Variants in NEBL observed in about 807,000 individuals in gnomAD.
The protein encoded by NEBL is nebulette.
In NEBL, 122 loss-of-function variants were observed where a neutral mutation model predicts 140.2. The observed-to-expected ratio is 0.87, with a 90% CI of 0.75 to 1.01. The LOEUF is 1.01. Ranked by LOEUF, NEBL falls within the 50% of genes least tolerant of loss-of-function variation. NEBL has a pLI of 0.00. For missense variants in NEBL, 1,365 were observed against 1,231.3 expected, an observed-to-expected ratio of 1.11 and a Z score of -1.62; for synonymous variants, 436 against 398.9, an observed-to-expected ratio of 1.09 and a Z score of -1.11.
At chr10:20,971,539 G>T (rs1243949723) in intron 3 of NEBL, among the ~76,000 whole-genome samples, 1 of 148,632 alleles carries the variant, frequency 6.7e-6, no homozygotes, top group Non-Finnish European at 1.5e-5. Context: ...CTGGTGCGCT[G>T]CACCCACTAA....
intron 1 of NEBL, among the ~76,000 whole-genome samples, chr10:21,286,563 T>C (rs561047995): frequency 1.3e-5 from 2 of 152,360 alleles, no homozygotes; most frequent in East Asian, 1.9e-4. Flanking sequence ...CAGGGCGCCA[T>C]GGCTCACGCC....
chr10:21,189,589 C>G (rs533270718), intron 3 of NEBL, among the ~76,000 whole-genome samples: 23 of 152,164 alleles, frequency 1.5e-4, no homozygotes, highest in African/African-American at 5.3e-4. Flanking sequence ...CTCAGCCTCC[C>G]GAGTAGCTGG....
At chr10:20,819,973 A>G (rs111494090) in intron 19 of NEBL, among the ~76,000 whole-genome samples, 1,885 of 152,270 alleles carry the variant, frequency 0.012, 35 homozygotes, top group African/African-American at 0.042. Flanking sequence ...GTTTGATCTT[A>G]TCAGTAATAA....
chr10:20,818,782 C>G, intron 20 of NEBL: 1 of 986,268 alleles, frequency 1.0e-6, no homozygotes. Flanking sequence ...TAAGCAAACA[C>G]AGCTAAGGTA....
Position 21,213,385 on chromosome 10 carries a change from A to G in NEBL, n.348+34536T>C, listed in dbSNP as rs544902720. Among the ~76,000 whole-genome samples the G allele has an allele frequency of 3.3e-4, 50 of 152,288 alleles. No individual in the cohort carries two copies. In the South Asian group the frequency reaches 3.9e-3, roughly 12 times the overall value. On this transcript the variant is annotated intron_variant and non_coding_transcript_variant, in intron 3 of 8. Coordinates refer to the NEBL transcript ENST00000675702. ...ACAGATGGAGATGTAGAGCTGGTTG[A>G]GTGCAGGCGGAGGAAAACCGGAGAG...
intron 1 of NEBL, among the ~76,000 whole-genome samples, chr10:21,261,586 G>A (rs541528076): frequency 8.9e-4 from 135 of 151,868 alleles, no homozygotes; most frequent in Non-Finnish European, 1.6e-3. Context: ...GGCTGAGGCT[G>A]CAGTGAGCCA....
rs1473408946 is a variant in NEBL, at chr10:21,169,062, AAAAAAATATATATATATATAT to A, written c.164+3300_164+3320del. Among the ~76,000 whole-genome samples the A allele has an allele frequency of 3.5e-3, 202 of 57,640 alleles. 5 individuals are homozygous for A. Among genetic ancestry groups the A allele is most frequent in the African/African-American group, 0.013 (187 of 14,680 alleles). The allele number at this position is 57,640 out of a possible 152,430, so 37.8% of individuals were successfully genotyped here. ...AGACTCCGTCTACAAAAAAAAAAAA[AAAAAAATATATATATATATAT>A]ATATATATATATATATATATATATT... is the stretch of plus-strand genomic sequence containing the variant. On this transcript the variant is annotated intron_variant, in intron 2 of 6. Coordinates refer to the NEBL transcript ENST00000417816.
At chr10:20,941,622 T>A (rs533648008) in intron 4 of NEBL, among the ~76,000 whole-genome samples, 40 of 150,304 alleles carry the variant, frequency 2.7e-4, no homozygotes, top group Middle Eastern at 3.4e-3. Flanking sequence ...GGTATTCAAG[T>A]AGGAAAAGAG....
At chr10:21,196,533 C>A (rs576047928) in intron 3 of NEBL, among the ~76,000 whole-genome samples, 1 of 151,510 alleles carries the variant, frequency 6.6e-6, no homozygotes, top group African/African-American at 2.4e-5. Flanking sequence ...TTAATAGGGA[C>A]GGGGTTTCAC....
At chr10:21,107,075 A>T (rs1164097590) in intron 2 of NEBL, among the ~76,000 whole-genome samples, 1 of 152,004 alleles carries the variant, frequency 6.6e-6, no homozygotes, top group Non-Finnish European at 1.5e-5. Context: ...GCTTAAGGAG[A>T]TTTTGGGCTG....
intron 1 of NEBL, among the ~76,000 whole-genome samples, chr10:21,285,108 T>G (rs1384203068): frequency 2.0e-5 from 3 of 152,178 alleles, no homozygotes; most frequent in Non-Finnish European, 4.4e-5. Flanking sequence ...ATGACATTGT[T>G]TAAAGTTTAA....
intron 2 of NEBL, among the ~76,000 whole-genome samples, chr10:21,108,007 T>C (rs1039788404): frequency 6.6e-6 from 1 of 152,216 alleles, no homozygotes; most frequent in Non-Finnish European, 1.5e-5. Context: ...ATGGGATCGG[T>C]GGTGATATCC....
rs557553177 is a variant in NEBL, at chr10:20,891,465, C to G, written c.154-1516G>C. On this transcript the variant is annotated intron_variant, in intron 2 of 27. Transcript: ENST00000377122. ...TTAAGTGTGAGAGAAAATAGCCTATCATTAGGCTTAAGTTTGACTCATTAT... is the reference window on the plus strand; with the variant it reads ...TTAAGTGTGAGAGAAAATAGCCTATGATTAGGCTTAAGTTTGACTCATTAT... Among the ~76,000 whole-genome samples the G allele has an allele frequency of 2.0e-5, 3 of 152,266 alleles. No homozygotes were observed. The South Asian group carries it at 6.2e-4, about 32-fold the overall frequency.
At chr10:21,028,231 A>T (rs1355749442) in intron 2 of NEBL, among the ~76,000 whole-genome samples, 1 of 129,502 alleles carries the variant, frequency 7.7e-6, no homozygotes, top group South Asian at 2.7e-4. Flanking sequence ...CATCTCAAAC[A>T]TCTCAAAAAA....
At chr10:20,860,464 T>C (rs1398823364) in intron 7 of NEBL, among the ~76,000 whole-genome samples, 6 of 149,046 alleles carry the variant, frequency 4.0e-5, no homozygotes, top group Non-Finnish European at 7.4e-5. Flanking sequence ...CAAAAAGGGA[T>C]TATCAACTTA....
At chr10:21,081,502 C>T (rs1412147672) in intron 2 of NEBL, among the ~76,000 whole-genome samples, 2 of 152,084 alleles carry the variant, frequency 1.3e-5, no homozygotes, top group East Asian at 3.9e-4. Context: ...TTTAATAGTA[C>T]CTATAATAGA....
chr10:21,002,297 G>T (rs955838203), intron 3 of NEBL, among the ~76,000 whole-genome samples: 1 of 152,100 alleles, frequency 6.6e-6, no homozygotes, highest in African/African-American at 2.4e-5. Flanking sequence ...AGGAAAAAAC[G>T]TCATATAGAA....
intron 3 of NEBL, among the ~76,000 whole-genome samples, chr10:21,222,852 T>C (rs1317912223): frequency 3.9e-5 from 6 of 152,230 alleles, no homozygotes; most frequent in African/African-American, 1.4e-4. Flanking sequence ...AACCTCTGCC[T>C]TCCAGGTTCA....
intron 12 of NEBL, among the ~76,000 whole-genome samples, chr10:20,842,856 C>A (rs1010781341): frequency 6.6e-6 from 1 of 152,044 alleles, no homozygotes; most frequent in South Asian, 2.1e-4. Context: ...CTTTGACTAT[C>A]ACCTTGCCAT....
Sources: gnomAD v4.1 joint callset for allele counts (sites outside exome capture counted in the v4.1 genomes callset) on GRCh38, gnomAD v4.1.1 for gene constraint, MANE v1.5 for transcripts, NCBI Gene and HGNC (gene_info 2026-07-23, HGNC 2026-07-21) for gene names.